The following ANKRD6 variants were observed in gnomAD, a reference collection of about 807,000 sequenced individuals.
ANKRD6 encodes the protein ankyrin repeat domain 6, also known as ankyrin repeat domain-containing protein 6.
A neutral mutation model predicts 82.3 loss-of-function variants in ANKRD6; 56 were observed. The ratio of observed to expected loss-of-function variants is 0.68; its 90% CI spans 0.55 to 0.85. The LOEUF is 0.85. ANKRD6 is among the 40% of genes least tolerant of loss of function. The pLI is 0.00. For missense variants in ANKRD6, 852 were observed against 907.6 expected, an observed-to-expected ratio of 0.94 and a Z score of 0.79; for synonymous variants, 347 against 352.1, an observed-to-expected ratio of 0.99 and a Z score of 0.16.
chr6:89,477,076 C>A (rs560999355), intron 1 of ANKRD6, among the ~76,000 whole-genome samples: 1 of 152,276 alleles, frequency 6.6e-6, no homozygotes, highest in South Asian at 2.1e-4. Flanking sequence ...TCCCAAGTAG[C>A]TGGGACTACA....
At chr6:89,598,423 GAA>G in intron 3 of ANKRD6, 1 of 985,288 alleles carries the variant, frequency 1.0e-6, no homozygotes, top group African/African-American at 1.7e-5. Flanking sequence ...ATCAGAGAGA[GAA>G]AAAGAGGTCA....
intron 1 of ANKRD6, among the ~76,000 whole-genome samples, chr6:89,444,560 T>TA (rs1270672838): frequency 1.3e-5 from 2 of 152,240 alleles, no homozygotes; most frequent in African/African-American, 4.8e-5. Context: ...CTTTGAAATA[T>TA]AAGTAAACAT....
At chr6:89,436,406 T>C (rs947954491) in intron 1 of ANKRD6, among the ~76,000 whole-genome samples, 1 of 152,178 alleles carries the variant, frequency 6.6e-6, no homozygotes, top group Non-Finnish European at 1.5e-5. Flanking sequence ...AGTTAATAGG[T>C]TCAGCAGTGT....
At chr6:89,485,836 T>A (rs1275744008) in intron 1 of ANKRD6, among the ~76,000 whole-genome samples, 4 of 152,214 alleles carry the variant, frequency 2.6e-5, no homozygotes, top group Non-Finnish European at 4.4e-5. Context: ...GATTGTCTTT[T>A]TGTAGAAAGC....
At chr6:89,551,150 G>T (rs1785793899) in intron 1 of ANKRD6, among the ~76,000 whole-genome samples, 1 of 152,196 alleles carries the variant, frequency 6.6e-6, no homozygotes, top group Non-Finnish European at 1.5e-5. Flanking sequence ...GGGCTGGGAG[G>T]CAGTCTTCTT....
chr6:89,537,053 A>G (rs2127999042), intron 1 of ANKRD6, among the ~76,000 whole-genome samples: 1 of 152,072 alleles, frequency 6.6e-6, no homozygotes, highest in East Asian at 1.9e-4. Flanking sequence ...CACAGATGAG[A>G]GAGTTTGTGA....
chr6:89,532,684 C>T (rs1783316956), intron 1 of ANKRD6, among the ~76,000 whole-genome samples: 1 of 152,000 alleles, frequency 6.6e-6, no homozygotes, highest in South Asian at 2.1e-4. Context: ...TGAAAGCTTA[C>T]AAGATAGTAA....
chr6:89,551,772 A>C, intron 1 of ANKRD6, among the ~76,000 whole-genome samples: 1 of 152,222 alleles, frequency 6.6e-6, no homozygotes, highest in East Asian at 1.9e-4. Context: ...GCTGAATCTC[A>C]GCTAATTTTT....
chr6:89,453,983 A>G (rs1428449590), intron 1 of ANKRD6, among the ~76,000 whole-genome samples: 1 of 151,866 alleles, frequency 6.6e-6, no homozygotes, highest in Non-Finnish European at 1.5e-5. Flanking sequence ...TCGTATTTTT[A>G]GTAGAGACGG....
chr6:89,539,280 T>C (rs1465376339), intron 1 of ANKRD6, among the ~76,000 whole-genome samples: 1 of 152,200 alleles, frequency 6.6e-6, no homozygotes, highest in Non-Finnish European at 1.5e-5. Context: ...CTTTAAAATC[T>C]GTTGTTTCAT....
At chr6:89,522,014 A>G (rs1033898766) in intron 1 of ANKRD6, among the ~76,000 whole-genome samples, 6 of 152,188 alleles carry the variant, frequency 3.9e-5, no homozygotes, top group African/African-American at 1.2e-4. Context: ...TATTTGGCCT[A>G]TGTTGACAGT....
In ANKRD6 at chr6:89,545,396, T is replaced by C. The variant is rs1784968952; in HGVS notation, c.-143-21438T>C. Among the ~76,000 whole-genome samples the C allele has an allele frequency of 2.0e-5, 3 of 152,120 alleles. No individual in the cohort carries two copies. The South Asian group carries it at 6.2e-4, about 32-fold the overall frequency. ...TTGTGACAGTGGTTTCCTGTAGCGG[T>C]AGTCCCACTCTTTGGTGTCAGAGAA... is the stretch of plus-strand genomic sequence containing the variant. On this transcript the variant is annotated intron_variant, in intron 1 of 15. Coordinates refer to ENST00000339746, the MANE Select transcript of ANKRD6 (RefSeq NM_001242809.2).
intron 1 of ANKRD6, among the ~76,000 whole-genome samples, chr6:89,490,852 C>T (rs1485028729): frequency 6.6e-6 from 1 of 152,110 alleles, no homozygotes; most frequent in African/African-American, 2.4e-5. Flanking sequence ...AAAGATAAGT[C>T]CATGTCCTAA....
chr6:89,512,595 G>A (rs558861137), intron 1 of ANKRD6, among the ~76,000 whole-genome samples: 7 of 152,198 alleles, frequency 4.6e-5, no homozygotes, highest in Non-Finnish European at 1.0e-4. Context: ...AGCAGCATCT[G>A]TGTTTGTCTG....
chr6:89,503,243 G>A (rs1168041624), intron 1 of ANKRD6, among the ~76,000 whole-genome samples: 2 of 152,204 alleles, frequency 1.3e-5, no homozygotes, highest in East Asian at 1.9e-4. Flanking sequence ...AGAGAAAGAC[G>A]AGAGTCCTCA....
At position 89,478,756 on chromosome 6, in the gene ANKRD6, C is replaced by CAA. The variant is rs139491926; in HGVS notation, c.-144+45395_-144+45396dup. 2.7e-3 allele frequency among the ~76,000 whole-genome samples: 292 copies of CAA among 107,816 alleles called. 1 individual carries two copies. The South Asian group carries it at 0.033, about 12-fold the overall frequency. 70.7% of individuals were successfully genotyped at this position (107,816 alleles called of 152,430 possible). ...TGGGCGACAGAGTGAGACTCTGTCT[C>CAA]AAAAAAAAAAAAAAAGAGGAAAAAT... On this transcript the variant is annotated intron_variant, in intron 1 of 15. Transcript: ENST00000339746.
At chr6:89,526,677 A>G (rs1041542741) in intron 1 of ANKRD6, among the ~76,000 whole-genome samples, 1 of 152,236 alleles carries the variant, frequency 6.6e-6, no homozygotes, top group Non-Finnish European at 1.5e-5. Context: ...ATTTTAAGGT[A>G]GTGGCTCACA....
chr6:89,613,758 C>T, intron 6 of ANKRD6, 34 bp from the exon 7 acceptor site: 1 of 1,592,146 alleles, frequency 6.3e-7, no homozygotes, highest in East Asian at 2.2e-5. Flanking sequence ...TGTAACTGCT[C>T]AGATTGTGCT....
intron 1 of ANKRD6, among the ~76,000 whole-genome samples, chr6:89,501,710 T>C (rs1243376518): frequency 1.3e-5 from 2 of 152,234 alleles, no homozygotes; most frequent in African/African-American, 4.8e-5. Context: ...GTGGAGATGC[T>C]TGAAAATACT....
Sources: allele counts gnomAD v4.1 joint callset (sites outside exome capture counted in the v4.1 genomes callset), GRCh38; gene constraint gnomAD v4.1.1; transcripts MANE v1.5; gene names NCBI Gene and HGNC (gene_info 2026-07-23, HGNC 2026-07-21).